Variants in NCKIPSD observed in about 807,000 individuals in gnomAD.
The protein encoded by NCKIPSD is NCK interacting protein with SH3 domain.
NCKIPSD carries 48 observed loss-of-function variants against 73.4 expected under a neutral mutation model. The observed-to-expected ratio is 0.65, with a 90% confidence interval of 0.52 to 0.83. NCKIPSD has a LOEUF of 0.83. Ranked by LOEUF, NCKIPSD falls within the 40% of genes least tolerant of loss-of-function variation. NCKIPSD has a pLI of 0.00. For synonymous variants in NCKIPSD, 422 were observed against 403.6 expected, an observed-to-expected ratio of 1.05 and a Z score of -0.54; for missense variants, 884 against 970.2, an observed-to-expected ratio of 0.91 and a Z score of 1.18.
Position 48,681,508 on chromosome 3 carries a change from C to G in NCKIPSD, c.871G>C (p.Gly291Arg). The change falls in exon 5 of 13, where the codon GGT (glycine) becomes CGT (arginine). Residue 291 changes from glycine (G) to arginine (R), a missense_variant. Transcript: ENST00000294129. ...TCTGTGGTCCCCAGGCTCAGTGTACCCAGGGCTTCCAGGTCATCAGAGGCT... is the reference window on the plus strand; with the variant it reads ...TCTGTGGTCCCCAGGCTCAGTGTACGCAGGGCTTCCAGGTCATCAGAGGCT... ...TSASDDLEAL[G>R]TLSLGTTEEK... 1 of 1,614,124 alleles carries G rather than the reference C, an allele frequency of 6.2e-7. No homozygotes were observed. Among genetic ancestry groups the G allele is most frequent in the African/African-American group, 1.3e-5 (1 of 75,040 alleles).
Position 48,685,624 on chromosome 3 carries a change from G to T in NCKIPSD, c.171+13C>A. On this transcript the variant is annotated intron_variant, in intron 1 of 12. Transcript: ENST00000294129. ...CAGGGGCGCGGAGGCCGGGCGGGAA[G>T]GGGCGCACTCACCTGCAGGCGGCGC... 1 of 1,517,616 alleles carries T rather than the reference G, an allele frequency of 6.6e-7. No homozygotes were observed. The highest frequency in any genetic ancestry group is 2.6e-5 in the East Asian group (1 of 38,156). The allele number at this position is 1,517,616 out of a possible 1,614,324, so 94.0% of individuals were successfully genotyped here. A position where few individuals can be genotyped will look rare whatever the true frequency, so the allele number is the denominator to read the frequency against.
chr3:48,674,741 T>C lies in NCKIPSD; in HGVS notation c.1972A>G (p.Met658Val), dbSNP rs141045366. 3,776 of 1,613,828 alleles carry C rather than the reference T, an allele frequency of 2.3e-3. 11 individuals carry two copies. The highest frequency in any genetic ancestry group is 2.2e-3 in the Non-Finnish European group (2,641 of 1,179,926). ...ADLSPGDKLR[M>V]EYLSLMHAIV... ...GCATGCATCAGGGAGAGGTACTCCATGCGCAGCTGTGGGAAGAGCAGGCCA... is the reference window on the plus strand; with the variant it reads ...GCATGCATCAGGGAGAGGTACTCCACGCGCAGCTGTGGGAAGAGCAGGCCA... Residue 658 changes from methionine to valine, a missense_variant, in exon 13 of 13, where the codon ATG becomes GTG. Physicochemically the swap from Met to Val is conservative, Grantham distance 21. Coordinates refer to ENST00000294129, the MANE Select transcript of NCKIPSD (RefSeq NM_016453.4).
At chr3:48,678,510 TTTTG>T (rs1575562625) in intron 12 of NCKIPSD, 50 bp downstream of exon 12, 3 of 1,536,450 alleles carry the variant, frequency 2.0e-6, no homozygotes, top group African/African-American at 2.7e-5. Context: ...CCCCCCACCA[TTTTG>T]TTTCAGTTTC....
chr3:48,682,960 T>C lies in NCKIPSD; in HGVS notation c.224A>G (p.His75Arg). The change falls in exon 2 of 13, where the codon CAC (histidine) becomes CGC (arginine). Residue 75 changes from histidine (H) to arginine (R), a missense_variant. Coordinates refer to ENST00000294129, the MANE Select transcript of NCKIPSD (RefSeq NM_016453.4). ...QAIDRAIEAV[H>R]NTAMRDGGKY... ...GCCACCATCCCGCATGGCTGTGTTG[T>C]GTACAGCCTCGATGGCCCGGTCAAT... is the stretch of plus-strand genomic sequence containing the variant. 1 of 1,552,580 alleles carries C rather than the reference T, an allele frequency of 6.4e-7. No homozygotes were observed. The highest frequency in any genetic ancestry group is 8.7e-7 in the Non-Finnish European group (1 of 1,148,182).
intron 1 of NCKIPSD, among the ~76,000 whole-genome samples, chr3:48,683,946 G>A (rs962329319): frequency 1.3e-5 from 2 of 151,452 alleles, no homozygotes; most frequent in Admixed American, 6.6e-5. Context: ...CCAGAGTGCA[G>A]GGAGAGGAGA....
chr3:48,676,483 GT>G (rs1204578392), intron 12 of NCKIPSD, among the ~76,000 whole-genome samples: 1 of 152,054 alleles, frequency 6.6e-6, no homozygotes, highest in East Asian at 1.9e-4. Context: ...TACCATTTTT[GT>G]TTTTGTTTTT....
In NCKIPSD at chr3:48,674,202, G is replaced by A. The variant is rs1210297665; in HGVS notation, c.*342C>T. On this transcript the variant is annotated 3_prime_UTR_variant, in exon 13 of 13. Coordinates refer to ENST00000294129, the MANE Select transcript of NCKIPSD (RefSeq NM_016453.4). Reference sequence around the variant, plus strand: ...TGCTGAGGCCCAGGATACAGACCAGGAGGGGTGGGGATGGGGGTCTGGTCC... The same window carrying A: ...TGCTGAGGCCCAGGATACAGACCAGAAGGGGTGGGGATGGGGGTCTGGTCC... The A allele has an allele frequency of 1.6e-6, 2 of 1,229,294 alleles. No individual in the cohort carries two copies. The highest frequency in any genetic ancestry group is 7.3e-5 in the Admixed American group (2 of 27,522). The allele number at this position is 1,229,294 out of a possible 1,614,324, so 76.1% of individuals were successfully genotyped here. A position where few individuals can be genotyped will look rare whatever the true frequency, so the allele number is the denominator to read the frequency against.
Position 48,678,646 on chromosome 3 carries a change from G to A in NCKIPSD, c.1883C>T (p.Ala628Val), listed in dbSNP as rs762620246. ...CATGTCTGTGTGGTAGAAGATGGCA[G>A]CTGTGGCCGGGCTGCCAAACACGTC... ...LQDVFGSPATAAIFYHTDMMA... is the reference protein window; with the variant it reads ...LQDVFGSPATVAIFYHTDMMA... Residue 628 changes from alanine to valine, a missense_variant, in exon 12 of 13, where the codon GCT becomes GTT. Coordinates refer to ENST00000294129, the MANE Select transcript of NCKIPSD (RefSeq NM_016453.4). 10 of 1,614,278 alleles carry A rather than the reference G, an allele frequency of 6.2e-6. No individual in the cohort carries two copies. Among genetic ancestry groups the A allele is most frequent in the Non-Finnish European group, 8.5e-6 (10 of 1,180,046 alleles).
At position 48,679,052 on chromosome 3, in the gene NCKIPSD, C is replaced by G. The variant is rs2077303233; in HGVS notation, c.1699+3G>C. 3 of 1,614,176 alleles carry G rather than the reference C, an allele frequency of 1.9e-6. No homozygotes were observed. Among genetic ancestry groups the G allele is most frequent in the Non-Finnish European group, 2.5e-6 (3 of 1,180,036 alleles). Reference sequence around the variant, plus strand: ...GCCACCGCCCAGCCAGGCCCCACCCCACCTGGCAGGTGCAGGTTGAGAGCC... The same window carrying G: ...GCCACCGCCCAGCCAGGCCCCACCCGACCTGGCAGGTGCAGGTTGAGAGCC... On this transcript the variant is annotated splice_donor_region_variant and intron_variant, in intron 10 of 12. Transcript: ENST00000294129.
At chr3:48,683,582 C>A (rs2106755690) in intron 1 of NCKIPSD, among the ~76,000 whole-genome samples, 1 of 152,294 alleles carries the variant, frequency 6.6e-6, no homozygotes, top group African/African-American at 2.4e-5. Flanking sequence ...CCCTCATCCC[C>A]ACAAGATGTC....
intron 12 of NCKIPSD, among the ~76,000 whole-genome samples, chr3:48,675,949 AG>A (rs753057953): frequency 2.6e-5 from 4 of 152,170 alleles, no homozygotes; most frequent in Non-Finnish European, 5.9e-5. Flanking sequence ...CTTTAATTAG[AG>A]AAATAATACC....
chr3:48,675,433 C>T (rs1348255686), intron 12 of NCKIPSD, among the ~76,000 whole-genome samples: 1 of 150,172 alleles, frequency 6.7e-6, no homozygotes, highest in Non-Finnish European at 1.5e-5. Context: ...TCTCCAACAG[C>T]CTCTCCTCCA....
chr3:48,675,495 CTATATATATATATCATATATA>C, intron 12 of NCKIPSD, among the ~76,000 whole-genome samples: 1 of 128,006 alleles, frequency 7.8e-6, no homozygotes, highest in East Asian at 2.1e-4. Context: ...CCCTTATGAT[CTATATATATATATCATATATA>C]TATATATATA....
intron 1 of NCKIPSD, 36 bp downstream of exon 1, chr3:48,685,601 G>C: frequency 2.0e-6 from 3 of 1,504,334 alleles, no homozygotes; most frequent in Non-Finnish European, 2.6e-6. Context: ...TCCTGCCCCA[G>C]GGGCGCGGAG....
Position 48,680,241 on chromosome 3 carries a change from G to C in NCKIPSD, c.1093-12C>G. 3.8e-6 allele frequency: 6 copies of C among 1,598,636 alleles called. No homozygotes were observed. The highest frequency in any genetic ancestry group is 5.1e-6 in the Non-Finnish European group (6 of 1,170,742). ...GCCATGCTGAGGTCCTAGAGGGAGA[G>C]GGCAAGGCATGACTCAGCACACTCC... On this transcript the variant is annotated splice_polypyrimidine_tract_variant and intron_variant, in intron 5 of 12. Transcript: ENST00000294129.
Position 48,674,137 on chromosome 3 carries a change from G to A in NCKIPSD, c.*407C>T. 1 of 1,142,898 alleles carries A rather than the reference G, an allele frequency of 8.7e-7. No homozygotes were observed. Among genetic ancestry groups the A allele is most frequent in the Middle Eastern group, 3.7e-4 (1 of 2,714 alleles). 70.8% of individuals were successfully genotyped at this position (1,142,898 alleles called of 1,614,324 possible). On this transcript the variant is annotated 3_prime_UTR_variant, in exon 13 of 13. Coordinates refer to ENST00000294129, the MANE Select transcript of NCKIPSD (RefSeq NM_016453.4). Reference sequence around the variant, plus strand: ...CTGCAAAGCTAAGGCAAAGAATAGAGCTGGTGGGAGATGCCTCCCCTCACC... The same window carrying A: ...CTGCAAAGCTAAGGCAAAGAATAGAACTGGTGGGAGATGCCTCCCCTCACC...
rs575880877 is a variant in NCKIPSD, at chr3:48,674,959, C to T, written c.1966-212G>A. ...CGAATCATCCCAGCCACAGACAGCC[C>T]CAAGTATGTGGCCTGCCCAGGGAAG... is the stretch of plus-strand genomic sequence containing the variant. On this transcript the variant is annotated intron_variant, in intron 12 of 12. Transcript: ENST00000294129. Among the ~76,000 whole-genome samples the T allele has an allele frequency of 3.3e-5, 5 of 152,214 alleles. No individual in the cohort carries two copies. The East Asian group carries it at 9.7e-4, about 29-fold the overall frequency.
intron 12 of NCKIPSD, 122 bp from the exon 13 acceptor site, chr3:48,674,869 C>T: frequency 2.2e-6 from 2 of 927,424 alleles, no homozygotes; most frequent in Non-Finnish European, 1.6e-6. Flanking sequence ...AGGGCTGCAT[C>T]CCCAGCACCC....
At chr3:48,679,990 G>A in intron 6 of NCKIPSD, 69 bp downstream of exon 6, 1 of 1,605,152 alleles carries the variant, frequency 6.2e-7, no homozygotes, top group South Asian at 1.1e-5. Context: ...TCCTAGCACT[G>A]TGAGGGATGC....
Sources: allele counts gnomAD v4.1 joint callset (sites outside exome capture counted in the v4.1 genomes callset), GRCh38; gene constraint gnomAD v4.1.1; transcripts MANE v1.5; gene names NCBI Gene and HGNC (gene_info 2026-07-23, HGNC 2026-07-21).